CSMD1: variants seen among roughly 807,000 people sequenced by gnomAD.
CSMD1 encodes CUB and Sushi multiple domains 1.
A neutral mutation model predicts 417.5 loss-of-function variants in CSMD1; 213 were observed. The ratio of observed to expected loss-of-function variants is 0.51; its 90% confidence interval spans 0.46 to 0.57. The LOEUF (loss-of-function observed/expected upper bound fraction) is 0.57. Ranked by LOEUF, CSMD1 falls within the 20% of genes least tolerant of loss-of-function variation. The probability of loss-of-function intolerance (pLI) is 0.00; values close to 1 mark genes in which losing one functional copy is unlikely to be tolerated. For synonymous variants in CSMD1, 2,862 were observed against 1,736.8 expected (o/e 1.65, Z -16.11); for missense variants, 6,923 against 4,529.7 (o/e 1.53, Z -15.17).
At chr8:3,630,439 C>T (rs907978151) in intron 7 of CSMD1, among the ~76,000 whole-genome samples, 1 of 152,162 alleles carries the variant, frequency 6.6e-6, no homozygotes, top group Non-Finnish European at 1.5e-5. Flanking sequence ...ACCACTGAAA[C>T]TTGAGAACAA....
rs34443453 is a variant in CSMD1 at position 3,189,952 on chromosome 8, G to A, written c.5358C>T (p.Asn1786=). 1.7e-5 allele frequency: 27 copies of A among 1,596,572 alleles called. No homozygotes were observed. The highest frequency in any genetic ancestry group is 2.1e-5 in the Non-Finnish European group (25 of 1,171,916). The change falls in exon 34 of 70, where the codon AAC becomes AAT. Residue 1786 remains asparagine, a synonymous_variant. Transcript: ENST00000635120. ...TCGTGTCGTTCCACTGTGCCAAGGCGTTGGGCACGGACTGGCAGTGGAGCG... is the reference window on the plus strand; with the variant it reads ...TCGTGTCGTTCCACTGTGCCAAGGCATTGGGCACGGACTGGCAGTGGAGCG... ...STALHCQSVP[N]ALAQWNDTIP...
intron 3 of CSMD1, among the ~76,000 whole-genome samples, chr8:4,188,250 C>T (rs1323835075): frequency 6.6e-6 from 1 of 152,108 alleles, no homozygotes; most frequent in Non-Finnish European, 1.5e-5. Flanking sequence ...GAAAACAGCG[C>T]ACTTTTGGAG....
intron 2 of CSMD1, among the ~76,000 whole-genome samples, chr8:4,559,848 C>T (rs1798249892): frequency 6.6e-6 from 1 of 152,228 alleles, no homozygotes; most frequent in South Asian, 2.1e-4. Flanking sequence ...TTACCTTTCT[C>T]CACTTCATGC....
chr8:3,480,833 TCAGGC>T (rs2117242029), intron 11 of CSMD1, among the ~76,000 whole-genome samples: 1 of 152,166 alleles, frequency 6.6e-6, no homozygotes, highest in East Asian at 1.9e-4. Flanking sequence ...AAAAAAATTA[TCAGGC>T]GTATAATTTG....
intron 3 of CSMD1, among the ~76,000 whole-genome samples, chr8:4,272,113 G>A (rs1804638655): frequency 6.6e-6 from 1 of 151,524 alleles, no homozygotes; most frequent in South Asian, 2.1e-4. Flanking sequence ...CCTGTCAGGG[G>A]TGTGTGTGTG....
chr8:3,298,097 G>C (rs747669534), intron 25 of CSMD1, among the ~76,000 whole-genome samples: 11 of 152,154 alleles, frequency 7.2e-5, no homozygotes, highest in Non-Finnish European at 1.3e-4. Context: ...TTGTTGGTTA[G>C]AAAGTGAAGT....
intron 3 of CSMD1, among the ~76,000 whole-genome samples, chr8:4,115,867 G>T (rs1381085801): frequency 6.6e-6 from 1 of 152,132 alleles, no homozygotes; most frequent in Admixed American, 6.5e-5. Flanking sequence ...CCAATCATAT[G>T]ACATTCTGGG....
At chr8:4,361,141 G>C (rs1317465345) in intron 3 of CSMD1, among the ~76,000 whole-genome samples, 1 of 152,154 alleles carries the variant, frequency 6.6e-6, no homozygotes, top group Non-Finnish European at 1.5e-5. Context: ...CTGAGCTGAA[G>C]CTTTATCATT....
intron 1 of CSMD1, among the ~76,000 whole-genome samples, chr8:4,792,485 A>T (rs1019297813): frequency 6.6e-6 from 1 of 152,116 alleles, no homozygotes; most frequent in African/African-American, 2.4e-5. Flanking sequence ...TTCATTTTCT[A>T]TTCCCGTTCC....
intron 1 of CSMD1, among the ~76,000 whole-genome samples, chr8:4,953,319 G>C (rs182174564): frequency 3.4e-4 from 52 of 152,136 alleles, no homozygotes; most frequent in African/African-American, 1.2e-3. Context: ...ATTCACAATT[G>C]AACTTGTTGT....
chr8:3,387,459 C>A (rs1304084480), intron 18 of CSMD1, 35 bp downstream of exon 18: 6 of 1,549,652 alleles, frequency 3.9e-6, no homozygotes, highest in East Asian at 2.4e-5. Flanking sequence ...CTCTGCACAC[C>A]CTGCTGGTGC....
intron 3 of CSMD1, among the ~76,000 whole-genome samples, chr8:4,210,443 A>G (rs1050895969): frequency 6.6e-6 from 1 of 152,210 alleles, no homozygotes; most frequent in Admixed American, 6.5e-5. Flanking sequence ...ATTTTAAACA[A>G]AAAAGATCAA....
At chr8:4,239,584 C>G (rs1802271682) in intron 3 of CSMD1, among the ~76,000 whole-genome samples, 1 of 152,122 alleles carries the variant, frequency 6.6e-6, no homozygotes, top group Non-Finnish European at 1.5e-5. Context: ...CAGTAAATCC[C>G]CTAGCCACCT....
chr8:3,259,124 T>C (rs1044930754), intron 26 of CSMD1, among the ~76,000 whole-genome samples: 1 of 152,196 alleles, frequency 6.6e-6, no homozygotes, highest in African/African-American at 2.4e-5. Flanking sequence ...CAAGACAAAT[T>C]ATTATTCCAA....
chr8:3,139,122 G>C (rs1270402753), intron 41 of CSMD1, among the ~76,000 whole-genome samples: 2 of 152,150 alleles, frequency 1.3e-5, no homozygotes, highest in African/African-American at 4.8e-5. Context: ...TCGGGCACAT[G>C]TTTCAGTGCC....
chr8:3,662,877 T>C (rs140933113), intron 7 of CSMD1, among the ~76,000 whole-genome samples: 1,600 of 151,966 alleles, frequency 0.011, 7 homozygotes, highest in Middle Eastern at 0.024. Flanking sequence ...TTAGGACAAA[T>C]ATGTAATGCA....
At chr8:3,965,953 G>C (rs893621339) in intron 5 of CSMD1, among the ~76,000 whole-genome samples, 4 of 152,106 alleles carry the variant, frequency 2.6e-5, no homozygotes, top group Non-Finnish European at 2.9e-5. Flanking sequence ...GAACTGTCAA[G>C]GTCTTTTGAG....
intron 2 of CSMD1, among the ~76,000 whole-genome samples, chr8:4,425,707 A>G (rs1200794949): frequency 6.6e-6 from 1 of 152,164 alleles, no homozygotes; most frequent in Non-Finnish European, 1.5e-5. Context: ...TTCAACACAT[A>G]GTAAATTACG....
intron 3 of CSMD1, among the ~76,000 whole-genome samples, chr8:4,065,246 G>C (rs1186731610): frequency 6.6e-6 from 1 of 152,172 alleles, no homozygotes; most frequent in Non-Finnish European, 1.5e-5. Context: ...TTACAGTGCA[G>C]TTAACATTTC....
Sources: gnomAD v4.1 joint callset for allele counts (sites outside exome capture counted in the v4.1 genomes callset) on GRCh38, gnomAD v4.1.1 for gene constraint, MANE v1.5 for transcripts, NCBI Gene and HGNC (gene_info 2026-07-23, HGNC 2026-07-21) for gene names.